Variants in AMD1 observed in about 807,000 individuals in gnomAD.
AMD1 encodes S-adenosylmethionine decarboxylase proenzyme.
In AMD1, 11 loss-of-function variants were observed where a neutral mutation model predicts 40.2. That is an observed-to-expected ratio of 0.27 (90% CI 0.17 to 0.45). The LOEUF is 0.45. AMD1 is among the 20% of genes least tolerant of loss of function. The pLI is 1.00. For missense variants in AMD1, 257 were observed against 410.2 expected (o/e 0.63, Z 3.23); for synonymous variants, 121 against 130.8 (o/e 0.93, Z 0.51).
At chr6:110,888,403 C>T (rs1166405331) in intron 2 of AMD1, 1 of 153,368 alleles carries the variant, frequency 6.5e-6, no homozygotes, top group African/African-American at 2.4e-5. Flanking sequence ...CCTCTGCCGC[C>T]CAGGTTCAAG....
the AMD1 span, among the ~76,000 whole-genome samples, chr6:110,854,286 C>T: frequency 6.6e-5 from 10 of 152,260 alleles, no homozygotes; most frequent in African/African-American, 2.4e-4. Flanking sequence ...CACTCCCCTT[C>T]TTACACTTCA....
rs182517318 is a variant in AMD1 at position 110,881,141 on chromosome 6, C to T, written c.110+5926C>T. Among the ~76,000 whole-genome samples the T allele has an allele frequency of 2.6e-5, 4 of 152,252 alleles. No homozygotes were observed. The East Asian group carries it at 7.7e-4, about 29-fold the overall frequency. ...TAGAACATCTATTTTTCTTTGGGAT[C>T]ATTTATCATGATCTCTGATTATATT... is the stretch of plus-strand genomic sequence containing the variant. On this transcript the variant is annotated intron_variant, in intron 1 of 8. Transcript: ENST00000368885.
At chr6:110,890,133 A>AT in intron 3 of AMD1, 121 bp from the exon 4 acceptor site, 1 of 685,592 alleles carries the variant, frequency 1.5e-6, no homozygotes, top group Non-Finnish European at 2.4e-6. Context: ...AAGCTAAAAT[A>AT]TTTGAGTTTT....
chr6:110,815,335 T>A, the AMD1 span: 1 of 426,636 alleles, frequency 2.3e-6, no homozygotes, highest in Non-Finnish European at 3.9e-6. Context: ...CTCCTCCACC[T>A]CTTCCTCCTC....
In AMD1 at chr6:110,890,460, A is replaced by G. The variant is rs1583222326; in HGVS notation, c.427+104A>G. ...CATACTTATGCATATATAGCATTCT[A>G]CACACACTAATACTTGCTTTTCTTG... On this transcript the variant is annotated intron_variant, in intron 4 of 8. Coordinates refer to ENST00000368885, the MANE Select transcript of AMD1 (RefSeq NM_001634.6). 2.4e-5 allele frequency: 20 copies of G among 821,824 alleles called. No homozygotes were observed. In the East Asian group the frequency reaches 5.0e-4, roughly 21 times the overall value. 50.9% of individuals were successfully genotyped at this position (821,824 alleles called of 1,614,324 possible). A position where few individuals can be genotyped will look rare whatever the true frequency, so the allele number is the denominator to read the frequency against.
intron 1 of AMD1, among the ~76,000 whole-genome samples, chr6:110,885,887 T>C (rs1037316730): frequency 7.2e-5 from 11 of 152,242 alleles, no homozygotes; most frequent in African/African-American, 2.2e-4. Context: ...TTTGGTGTTG[T>C]GTTTGCTTTT....
chr6:110,887,106 A>G (rs1785737116), intron 1 of AMD1, among the ~76,000 whole-genome samples: 1 of 152,224 alleles, frequency 6.6e-6, no homozygotes, highest in Non-Finnish European at 1.5e-5. Context: ...TTTCTATGCC[A>G]ATTAGATTGG....
chr6:110,826,213 A>C, the AMD1 span, among the ~76,000 whole-genome samples: 4 of 137,540 alleles, frequency 2.9e-5, no homozygotes, highest in Non-Finnish European at 6.2e-5. Flanking sequence ...TGGAGGTTGC[A>C]GTGAGCTGAG....
chr6:110,883,975 G>A (rs1274048051), intron 1 of AMD1, among the ~76,000 whole-genome samples: 1 of 152,160 alleles, frequency 6.6e-6, no homozygotes, highest in Non-Finnish European at 1.5e-5. Flanking sequence ...AGAGATTATG[G>A]AAGGTTGAAG....
upstream of AMD1, among the ~76,000 whole-genome samples, chr6:110,870,216 G>A (rs996656651): frequency 2.0e-5 from 3 of 152,180 alleles, no homozygotes; most frequent in African/African-American, 7.2e-5. Context: ...TCACAACATG[G>A]CTGCTTTCAA....
the AMD1 span, chr6:110,815,574 G>C: frequency 6.5e-6 from 1 of 154,358 alleles, no homozygotes; most frequent in Non-Finnish European, 1.4e-5. Flanking sequence ...AGGTTACCTC[G>C]GGCCACCACA....
At chr6:110,884,889 T>C (rs1010890220) in intron 1 of AMD1, among the ~76,000 whole-genome samples, 13 of 152,310 alleles carry the variant, frequency 8.5e-5, no homozygotes, top group African/African-American at 3.1e-4. Context: ...GAATAAGTTA[T>C]AGTGGGAAGT....
intron 1 of AMD1, among the ~76,000 whole-genome samples, chr6:110,879,946 C>T (rs928734681): frequency 6.6e-6 from 1 of 151,882 alleles, no homozygotes; most frequent in Non-Finnish European, 1.5e-5. Flanking sequence ...TAATGGGATC[C>T]TTCTGTATTT....
At chr6:110,815,279 G>A in the AMD1 span, 2 of 961,078 alleles carry the variant, frequency 2.1e-6, no homozygotes, top group East Asian at 3.4e-5. Flanking sequence ...CCGCCGCTCC[G>A]CGGTCCGCCT....
At chr6:110,848,289 A>C in the AMD1 span, among the ~76,000 whole-genome samples, 9 of 151,884 alleles carry the variant, frequency 5.9e-5, no homozygotes, top group Non-Finnish European at 1.2e-4. Context: ...TGGGAGGCTG[A>C]GGCAGGCGAG....
rs1786256663 is a variant in AMD1, at chr6:110,895,575, C to T, written c.*1959C>T. The T allele has an allele frequency of 6.6e-6, 1 of 152,574 alleles. No individual in the cohort carries two copies. Among genetic ancestry groups the T allele is most frequent in the African/African-American group, 2.4e-5 (1 of 41,444 alleles). 9.5% of individuals were successfully genotyped at this position (152,574 alleles called of 1,614,324 possible). A position where few individuals can be genotyped will look rare whatever the true frequency, so the allele number is the denominator to read the frequency against. ...ATGTAGTTTGAATCATAATCTAAAT[C>T]ATCGTATGATAGAAGAGGGAAAGTT... On this transcript the variant is annotated 3_prime_UTR_variant, in exon 9 of 9. Transcript: ENST00000368885.
At chr6:110,861,668 C>T in the AMD1 span, among the ~76,000 whole-genome samples, 1 of 151,678 alleles carries the variant, frequency 6.6e-6, no homozygotes, top group African/African-American at 2.4e-5. Flanking sequence ...ATAGTGAAAC[C>T]CCATCTTTAC....
At chr6:110,868,189 C>A in the AMD1 span, among the ~76,000 whole-genome samples, 1 of 151,812 alleles carries the variant, frequency 6.6e-6, no homozygotes, top group African/African-American at 2.4e-5. Context: ...ACCCTGTCAC[C>A]CAGGCTGGAG....
At chr6:110,890,207 A>G (rs1192692191) in intron 3 of AMD1, 47 bp from the exon 4 acceptor site, 1 of 1,360,910 alleles carries the variant, frequency 7.3e-7, no homozygotes, top group Admixed American at 2.4e-5. Context: ...ATAGAATTCT[A>G]CATCTAAAGT....
Sources: gnomAD v4.1 joint callset for allele counts (sites outside exome capture counted in the v4.1 genomes callset) on GRCh38, gnomAD v4.1.1 for gene constraint, MANE v1.5 for transcripts, NCBI Gene and HGNC (gene_info 2026-07-23, HGNC 2026-07-21) for gene names.